The following MYOF variants were observed in gnomAD, a reference collection of about 807,000 sequenced individuals.
MYOF encodes the protein fer-1-like 3, myoferlin.
Under a neutral mutation model 284.2 loss-of-function variants are expected in MYOF, and 244 were observed. That is an observed-to-expected ratio of 0.86 (90% CI 0.77 to 0.95). The LOEUF is 0.95. Among genes scored for constraint, MYOF ranks in the 40% least tolerant of loss-of-function variants. The pLI is 0.00. For missense variants in MYOF, 2,496 were observed against 2,560.6 expected (o/e 0.97, Z 0.54); for synonymous variants, 904 against 919.7 (o/e 0.98, Z 0.31).
rs575435504 is a variant in MYOF at position 93,353,829 on chromosome 10, C to G, written c.3463G>C (p.Asp1155His). Residue 1155 changes from aspartate (D) to histidine (H), a missense_variant, in exon 32 of 54, where the codon GAT becomes CAT. Asp to His is a moderately conservative substitution (Grantham distance 81). This residue lies in a region of MYOF where 2,436 missense variants were observed against 2,480.7 expected (regional missense o/e 0.98). Transcript: ENST00000359263. ...VYQARNLLAL[D>H]KDSFSDPYAH... is the part of the protein sequence containing the mutation. ...CCTTTACCTGAAAAGCTATCCTTAT[C>G]TAAAGCCAAGAGGTTTCTGGCTTGA... 2 of 1,609,074 alleles carry G rather than the reference C, an allele frequency of 1.2e-6. No individual in the cohort carries two copies. The highest frequency in any genetic ancestry group is 1.7e-6 in the Non-Finnish European group (2 of 1,176,916).
At position 93,319,931 on chromosome 10, in the gene MYOF, G is replaced by A. The variant is rs374378517; in HGVS notation, c.5539C>T (p.Arg1847Ter). Residue 1847 changes from arginine to a stop codon, truncating the protein, a stop_gained, in exon 49 of 54, where the codon CGA becomes TGA. Transcript: ENST00000359263. LOFTEE classifies it high-confidence loss of function. ...SLDGEGNFNW[R>*]FVFPFDYLPA... ...AGGTAGTCAAACGGGAAAACAAATC[G>A]CCAGTTAAAATTCCCTTCACCATCC... The A allele has an allele frequency of 1.4e-5, 22 of 1,613,998 alleles. No individual in the cohort carries two copies. Among genetic ancestry groups the A allele is most frequent in the African/African-American group, 5.3e-5 (4 of 74,890 alleles).
At chr10:93,348,192 A>G (rs904976643) in intron 36 of MYOF, among the ~76,000 whole-genome samples, 3 of 152,134 alleles carry the variant, frequency 2.0e-5, no homozygotes, top group African/African-American at 7.2e-5. Flanking sequence ...CTGGGAGGGG[A>G]CATGCACAAG....
intron 19 of MYOF, among the ~76,000 whole-genome samples, chr10:93,386,248 C>G (rs1846359071): frequency 6.6e-6 from 1 of 152,192 alleles, no homozygotes; most frequent in African/African-American, 2.4e-5. Context: ...CTGGCTGTAA[C>G]TAGCATGCAA....
chr10:93,353,667 C>A (rs1844637132), intron 32 of MYOF, 144 bp downstream of exon 32: 1 of 579,684 alleles, frequency 1.7e-6, no homozygotes, highest in East Asian at 2.8e-5. Context: ...AATGACTGAG[C>A]AGTTTGCTTC....
intron 19 of MYOF, among the ~76,000 whole-genome samples, chr10:93,386,934 G>C (rs1341619888): frequency 2.0e-5 from 3 of 152,116 alleles, no homozygotes; most frequent in Non-Finnish European, 4.4e-5. Flanking sequence ...CGGGAGTTTG[G>C]GGGAGAGCAT....
At chr10:93,344,023 T>C in intron 37 of MYOF, 91 bp from the exon 38 acceptor site, 1 of 1,371,290 alleles carries the variant, frequency 7.3e-7, no homozygotes, top group Admixed American at 1.9e-5. Flanking sequence ...AGCCATAGGG[T>C]GGATGGTAGA....
At chr10:93,346,309 CACTTAT>C (rs1319225398) in intron 37 of MYOF, among the ~76,000 whole-genome samples, 1 of 152,222 alleles carries the variant, frequency 6.6e-6, no homozygotes, top group Non-Finnish European at 1.5e-5. Context: ...TCAGTACTCA[CACTTAT>C]GAAAGTTTTA....
intron 38 of MYOF, among the ~76,000 whole-genome samples, chr10:93,340,725 A>G (rs1421510354): frequency 6.6e-6 from 1 of 151,604 alleles, no homozygotes; most frequent in Admixed American, 6.6e-5. Flanking sequence ...TATTATGAGG[A>G]TGTCAAGTTT....
At chr10:93,342,887 A>C (rs999025031) in intron 38 of MYOF, among the ~76,000 whole-genome samples, 4 of 152,240 alleles carry the variant, frequency 2.6e-5, no homozygotes, top group Admixed American at 2.0e-4. Context: ...CAAAGTGATC[A>C]CAGTAGTTTT....
At chr10:93,379,304 T>C (rs551604946) in intron 21 of MYOF, among the ~76,000 whole-genome samples, 1 of 152,282 alleles carries the variant, frequency 6.6e-6, no homozygotes, top group African/African-American at 2.4e-5. Flanking sequence ...CCATTCTCTC[T>C]ACACAAAAAT....
At chr10:93,458,968 A>T (rs2056811484) in intron 1 of MYOF, among the ~76,000 whole-genome samples, 1 of 152,246 alleles carries the variant, frequency 6.6e-6, no homozygotes, top group Non-Finnish European at 1.5e-5. Flanking sequence ...CAGCATAGCA[A>T]GGCCGTGAGT....
chr10:93,396,674 A>G (rs1352358684), intron 15 of MYOF, among the ~76,000 whole-genome samples: 1 of 152,174 alleles, frequency 6.6e-6, no homozygotes. Context: ...TATGATTGTG[A>G]TGATCATGAT....
rs1846034026 is a variant in MYOF, at chr10:93,379,920, C to T, written c.1944G>A (p.Glu648=). 1 of 1,614,102 alleles carries T rather than the reference C, an allele frequency of 6.2e-7. No homozygotes were observed. Among genetic ancestry groups the T allele is most frequent in the East Asian group, 2.2e-5 (1 of 44,888 alleles). ...KPVVTLTSYW[E]DISHRLDAVN... is the part of the protein sequence containing the mutation. ...CCGCATCCAGGCGATGACTAATATC[C>T]TCCCAGTATGAAGTCAGGGTAACAA... The change falls in exon 21 of 54, where the codon GAG becomes GAA. Residue 648 remains glutamate, a synonymous_variant. Transcript: ENST00000359263.
rs71031511 is a variant in MYOF at position 93,465,538 on chromosome 10, C to CTTTTTTTTTTTTTTT, written c.89-8616_89-8602dup. ...CTTTTTTCTTTCTTTTTTTTCTTTT[C>CTTTTTTTTTTTTTTT]TTTTTTTTTTTTTTTGAGATGACTG... On this transcript the variant is annotated intron_variant, in intron 1 of 53. Transcript: ENST00000359263. Among the ~76,000 whole-genome samples, 31 of 112,150 alleles carry CTTTTTTTTTTTTTTT rather than the reference C, an allele frequency of 2.8e-4. 1 individual carries two copies. The highest frequency in any genetic ancestry group is 4.7e-4 in the African/African-American group (14 of 29,978). 73.6% of individuals were successfully genotyped at this position (112,150 alleles called of 152,430 possible).
intron 7 of MYOF, among the ~76,000 whole-genome samples, chr10:93,404,980 C>A (rs890865861): frequency 6.6e-6 from 1 of 152,188 alleles, no homozygotes; most frequent in Non-Finnish European, 1.5e-5. Flanking sequence ...AGATTGAACA[C>A]TTACTCCAAC....
At position 93,309,885 on chromosome 10, in the gene MYOF, C is replaced by T; in HGVS notation, c.6147+135G>A. 5.5e-6 allele frequency: 6 copies of T among 1,085,410 alleles called. No homozygotes were observed. In the South Asian group the frequency reaches 8.3e-5, roughly 15 times the overall value. 67.2% of individuals were successfully genotyped at this position (1,085,410 alleles called of 1,614,324 possible). A position where few individuals can be genotyped will look rare whatever the true frequency, so the allele number is the denominator to read the frequency against. Reference sequence around the variant, plus strand: ...CAAGACACATTACTTTAAATTTCCCCAAAGCAGAAGGGTTACAACCCCATG... The same window carrying T: ...CAAGACACATTACTTTAAATTTCCCTAAAGCAGAAGGGTTACAACCCCATG... On this transcript the variant is annotated intron_variant, in intron 53 of 53. Coordinates refer to ENST00000359263, the MANE Select transcript of MYOF (RefSeq NM_013451.4).
At chr10:93,364,547 A>G (rs1845236686) in intron 26 of MYOF, among the ~76,000 whole-genome samples, 1 of 152,226 alleles carries the variant, frequency 6.6e-6, no homozygotes, top group Admixed American at 6.5e-5. Flanking sequence ...CTTGGTCTAC[A>G]TAACACAAAC....
At chr10:93,407,469 G>T (rs867736431) in intron 7 of MYOF, among the ~76,000 whole-genome samples, 1 of 138,206 alleles carries the variant, frequency 7.2e-6, no homozygotes, top group East Asian at 2.2e-4. Context: ...GGTGGCTCAC[G>T]CCTGTAATCC....
At chr10:93,315,259 G>A (rs1490370308) in intron 50 of MYOF, among the ~76,000 whole-genome samples, 1 of 152,184 alleles carries the variant, frequency 6.6e-6, no homozygotes, top group Non-Finnish European at 1.5e-5. Flanking sequence ...ACCCCTGGAA[G>A]CAGCGTGGAA....
Sources: allele counts gnomAD v4.1 joint callset (sites outside exome capture counted in the v4.1 genomes callset), GRCh38; gene constraint gnomAD v4.1.1; regional missense constraint gnomAD v4.1.1; transcripts MANE v1.5; gene names NCBI Gene and HGNC (gene_info 2026-07-23, HGNC 2026-07-21).